The following PRKG1 variants were observed in gnomAD, a reference collection of about 807,000 sequenced individuals.
PRKG1 encodes the protein protein kinase cGMP-dependent 1, also known as cGMP-dependent protein kinase 1.
Under a neutral mutation model 88.1 loss-of-function variants are expected in PRKG1, and 35 were observed. The observed-to-expected ratio is 0.40, with a 90% confidence interval of 0.30 to 0.53. The LOEUF is 0.53. Among genes scored for constraint, PRKG1 ranks in the 20% least tolerant of loss-of-function variants. The pLI is 0.59. For missense variants in PRKG1, 540 were observed against 839.8 expected (o/e 0.64, Z 4.41); for synonymous variants, 303 against 292.5 (o/e 1.04, Z -0.37).
intron 2 of PRKG1, among the ~76,000 whole-genome samples, chr10:51,163,036 C>T (rs530870398): frequency 5.1e-4 from 78 of 152,126 alleles, no homozygotes; most frequent in Non-Finnish European, 1.1e-3. Flanking sequence ...CTTTTAAACC[C>T]GAATAGTAAT....
At chr10:51,442,881 G>A (rs530820929) in intron 2 of PRKG1, among the ~76,000 whole-genome samples, 4 of 152,076 alleles carry the variant, frequency 2.6e-5, no homozygotes, top group East Asian at 1.9e-4. Context: ...ACCTGGATTC[G>A]GGTGTTTCTT....
chr10:51,603,081 C>T (rs1381887808), intron 3 of PRKG1, among the ~76,000 whole-genome samples: 1 of 151,994 alleles, frequency 6.6e-6, no homozygotes, highest in Non-Finnish European at 1.5e-5. Flanking sequence ...CCTCAACCTC[C>T]TGTGTAGCTA....
At chr10:52,097,931 A>T (rs1480398212) in intron 7 of PRKG1, among the ~76,000 whole-genome samples, 3 of 151,950 alleles carry the variant, frequency 2.0e-5, no homozygotes, top group Non-Finnish European at 2.9e-5. Context: ...AAACCATAAA[A>T]CTCTCTAAAG....
At chr10:51,959,613 C>T (rs1843397315) in intron 5 of PRKG1, among the ~76,000 whole-genome samples, 1 of 151,982 alleles carries the variant, frequency 6.6e-6, no homozygotes. Flanking sequence ...TGAGTGAGAT[C>T]TAGGCAGTGA....
chr10:51,431,201 C>T (rs1201385026), intron 2 of PRKG1, among the ~76,000 whole-genome samples: 2 of 152,118 alleles, frequency 1.3e-5, no homozygotes, highest in African/African-American at 4.8e-5. Flanking sequence ...AATGGCTATA[C>T]CCATGGGATT....
intron 3 of PRKG1, among the ~76,000 whole-genome samples, chr10:51,596,808 C>T (rs76338757): frequency 0.072 from 10,943 of 152,108 alleles, 1,292 homozygotes; most frequent in African/African-American, 0.25. Flanking sequence ...TTTTAAATTG[C>T]TTCTCAAATG....
intron 1 of PRKG1, among the ~76,000 whole-genome samples, chr10:51,116,272 A>G (rs1845121504): frequency 6.6e-6 from 1 of 152,188 alleles, no homozygotes; most frequent in South Asian, 2.1e-4. Flanking sequence ...TATTTCAACC[A>G]TGCATTTCCT....
In PRKG1 at chr10:52,251,076, G is replaced by A. The variant is rs963215502; in HGVS notation, c.1077-494G>A. Among the ~76,000 whole-genome samples the A allele has an allele frequency of 7.2e-5, 11 of 151,926 alleles. No individual in the cohort carries two copies. In the South Asian group the frequency reaches 1.2e-3, roughly 17 times the overall value. ...TTTCATAAAACCTGGCTGTGATTTC[G>A]CTCCAGAGACCTCCGTGATCTTGCC... On this transcript the variant is annotated intron_variant, in intron 9 of 17. Transcript: ENST00000373980.
At chr10:51,409,530 A>G (rs986300947) in intron 2 of PRKG1, among the ~76,000 whole-genome samples, 2 of 151,960 alleles carry the variant, frequency 1.3e-5, no homozygotes, top group African/African-American at 4.8e-5. Flanking sequence ...GTTTCCACCA[A>G]AGCCCAGTGA....
At chr10:51,734,881 T>G (rs578017577) in intron 3 of PRKG1, among the ~76,000 whole-genome samples, 2 of 147,796 alleles carry the variant, frequency 1.4e-5, no homozygotes, top group African/African-American at 4.9e-5. Context: ...TGGAAACATA[T>G]AGGCTCATTT....
intron 8 of PRKG1, among the ~76,000 whole-genome samples, chr10:52,146,851 A>G (rs1184799065): frequency 6.6e-6 from 1 of 152,184 alleles, no homozygotes; most frequent in African/African-American, 2.4e-5. Context: ...TAGAATCATT[A>G]TACAGTTTAC....
At chr10:51,793,077 G>C (rs1404880662) in intron 3 of PRKG1, among the ~76,000 whole-genome samples, 1 of 129,790 alleles carries the variant, frequency 7.7e-6, no homozygotes, top group South Asian at 2.6e-4. Context: ...AACAAATGGA[G>C]ATGTAAGAAC....
At chr10:52,015,035 T>A (rs543330072) in intron 5 of PRKG1, among the ~76,000 whole-genome samples, 1 of 152,298 alleles carries the variant, frequency 6.6e-6, no homozygotes, top group East Asian at 1.9e-4. Context: ...TGTTAGTAAA[T>A]CTACCATTTT....
intron 14 of PRKG1, among the ~76,000 whole-genome samples, chr10:52,282,753 A>T (rs930872884): frequency 6.6e-6 from 1 of 152,118 alleles, no homozygotes; most frequent in Non-Finnish European, 1.5e-5. Flanking sequence ...TGTTATTATC[A>T]TCAACTCAAA....
rs143573229 is a variant in PRKG1 at position 51,101,356 on chromosome 10, G to A, written c.311+26455G>A. On this transcript the variant is annotated intron_variant, in intron 1 of 17. Transcript: ENST00000373980. ...AGAGGCTTCACCAGAAACCCAATTG[G>A]CTGGCACCTTGATCTTGGACTTCCC... Among the ~76,000 whole-genome samples, 23 of 152,228 alleles carry A rather than the reference G, an allele frequency of 1.5e-4. No homozygotes were observed. The East Asian group carries it at 4.3e-3, about 28-fold the overall frequency.
At chr10:51,251,545 G>A (rs551182839) in intron 2 of PRKG1, among the ~76,000 whole-genome samples, 68 of 151,790 alleles carry the variant, frequency 4.5e-4, no homozygotes, top group Non-Finnish European at 8.6e-4. Flanking sequence ...CATATTAGAA[G>A]TGATCAAATG....
chr10:52,072,453 G>A (rs535225929), intron 7 of PRKG1, among the ~76,000 whole-genome samples: 1 of 152,164 alleles, frequency 6.6e-6, no homozygotes, highest in East Asian at 1.9e-4. Flanking sequence ...TGTACTAGGT[G>A]CTATAGGAAA....
At chr10:51,874,468 G>A (rs565091524) in intron 4 of PRKG1, among the ~76,000 whole-genome samples, 1 of 152,208 alleles carries the variant, frequency 6.6e-6, no homozygotes, top group East Asian at 1.9e-4. Context: ...CCATTTTTTT[G>A]TAAATTCATT....
At chr10:51,811,135 C>G (rs1839446062) in intron 4 of PRKG1, among the ~76,000 whole-genome samples, 1 of 152,162 alleles carries the variant, frequency 6.6e-6, no homozygotes, top group Non-Finnish European at 1.5e-5. Flanking sequence ...GAGTATTACA[C>G]CTTACCTGGA....
Sources: allele counts gnomAD v4.1 joint callset (sites outside exome capture counted in the v4.1 genomes callset), GRCh38; gene constraint gnomAD v4.1.1; transcripts MANE v1.5; gene names NCBI Gene and HGNC (gene_info 2026-07-23, HGNC 2026-07-21).